The following KCNIP4 variants were observed in gnomAD, a reference collection of about 807,000 sequenced individuals.
The protein encoded by KCNIP4 is Kv channel-interacting protein 4.
A neutral mutation model predicts 34.0 loss-of-function variants in KCNIP4; 12 were observed. The ratio of observed to expected loss-of-function variants is 0.35; its 90% CI spans 0.23 to 0.57. The LOEUF (loss-of-function observed/expected upper bound fraction) is 0.57. Among genes scored for constraint, KCNIP4 ranks in the 20% least tolerant of loss-of-function variants. KCNIP4 has a pLI of 0.83. For missense variants in KCNIP4, 238 were observed against 311.7 expected (o/e 0.76, Z 1.78); for synonymous variants, 124 against 102.2 (o/e 1.21, Z -1.29).
At chr4:21,756,568 A>G (rs556186367) in intron 1 of KCNIP4, among the ~76,000 whole-genome samples, 2,795 of 116,560 alleles carry the variant, frequency 0.024, 50 homozygotes, top group South Asian at 0.056. Flanking sequence ...AAAAAAAAAA[A>G]AGAGAGAGAG....
chr4:21,603,253 C>T (rs969703859), intron 1 of KCNIP4, among the ~76,000 whole-genome samples: 10 of 151,858 alleles, frequency 6.6e-5, no homozygotes, highest in Non-Finnish European at 1.0e-4. Context: ...TGTAAAATGA[C>T]CTTGGAGTGA....
chr4:21,024,100 T>C (rs1740322765), intron 1 of KCNIP4, among the ~76,000 whole-genome samples: 1 of 152,220 alleles, frequency 6.6e-6, no homozygotes, highest in South Asian at 2.1e-4. Flanking sequence ...TGATTTTATA[T>C]CATAGTTTCT....
chr4:21,184,899 C>T (rs1229971441), intron 1 of KCNIP4, among the ~76,000 whole-genome samples: 1 of 152,114 alleles, frequency 6.6e-6, no homozygotes, highest in African/African-American at 2.4e-5. Flanking sequence ...CAACCCCCTC[C>T]TGAGATGGAA....
At chr4:20,836,301 T>G (rs1253619004) in intron 3 of KCNIP4, among the ~76,000 whole-genome samples, 1 of 152,226 alleles carries the variant, frequency 6.6e-6, no homozygotes, top group African/African-American at 2.4e-5. Flanking sequence ...TTAGGGCTTT[T>G]GCGCTTGCTG....
intron 5 of KCNIP4, among the ~76,000 whole-genome samples, chr4:20,735,621 C>T (rs1329104848): frequency 2.0e-5 from 3 of 151,384 alleles, no homozygotes; most frequent in Non-Finnish European, 4.4e-5. Context: ...CTTCCACCTC[C>T]CACCTCCCAG....
intron 1 of KCNIP4, among the ~76,000 whole-genome samples, chr4:21,515,861 C>T (rs1349237649): frequency 1.3e-5 from 2 of 152,144 alleles, no homozygotes; most frequent in African/African-American, 4.8e-5. Flanking sequence ...ATCCTTCAGC[C>T]TTGGACTTCC....
At chr4:21,249,134 A>G (rs1055302813) in intron 1 of KCNIP4, among the ~76,000 whole-genome samples, 3 of 152,182 alleles carry the variant, frequency 2.0e-5, no homozygotes, top group South Asian at 4.1e-4. Context: ...CAAAATCAAC[A>G]GTAAGAAGGG....
At chr4:21,501,242 T>TCACACA (rs1372362101) in intron 1 of KCNIP4, among the ~76,000 whole-genome samples, 2 of 132,232 alleles carry the variant, frequency 1.5e-5, no homozygotes, top group African/African-American at 6.1e-5. Context: ...TCTCTCTCTC[T>TCACACA]CTCTCTCACA....
chr4:21,124,103 T>G (rs1175721130), intron 1 of KCNIP4, among the ~76,000 whole-genome samples: 2 of 152,078 alleles, frequency 1.3e-5, no homozygotes, highest in African/African-American at 4.8e-5. Flanking sequence ...AGGACACTGT[T>G]TTACATTTTT....
chr4:21,380,863 T>C (rs1334203921), intron 1 of KCNIP4, among the ~76,000 whole-genome samples: 1 of 149,966 alleles, frequency 6.7e-6, no homozygotes, highest in African/African-American at 2.4e-5. Flanking sequence ...CACACACGAA[T>C]TGGCTTGAAA....
intron 1 of KCNIP4, among the ~76,000 whole-genome samples, chr4:21,333,476 T>C (rs944427481): frequency 1.3e-5 from 2 of 152,056 alleles, no homozygotes; most frequent in African/African-American, 4.8e-5. Flanking sequence ...ACAATAGCAC[T>C]GTAAGGTACG....
At chr4:21,235,956 G>A (rs368911624) in intron 1 of KCNIP4, among the ~76,000 whole-genome samples, 12 of 152,084 alleles carry the variant, frequency 7.9e-5, no homozygotes, top group African/African-American at 2.2e-4. Context: ...TTGGAAATAT[G>A]TATAGGTTCT....
chr4:20,986,784 A>G (rs970290664), intron 1 of KCNIP4, among the ~76,000 whole-genome samples: 4 of 152,120 alleles, frequency 2.6e-5, no homozygotes, highest in Non-Finnish European at 4.4e-5. Flanking sequence ...ATCTTTTTTG[A>G]AATTCACATA....
At chr4:21,745,616 A>T (rs191548661) in intron 1 of KCNIP4, among the ~76,000 whole-genome samples, 10 of 152,294 alleles carry the variant, frequency 6.6e-5, no homozygotes, top group Admixed American at 2.6e-4. Flanking sequence ...CAAACCACAG[A>T]AACACAAAAA....
At chr4:21,371,530 A>G (rs1359279695) in intron 1 of KCNIP4, among the ~76,000 whole-genome samples, 5 of 146,822 alleles carry the variant, frequency 3.4e-5, no homozygotes, top group Admixed American at 6.6e-5. Flanking sequence ...TTGCTATCTA[A>G]TCACTTGATA....
intron 5 of KCNIP4, among the ~76,000 whole-genome samples, chr4:20,737,499 T>C (rs1310384781): frequency 6.6e-6 from 1 of 151,750 alleles, no homozygotes; most frequent in Non-Finnish European, 1.5e-5. Flanking sequence ...CATGGGTAGA[T>C]GGGCCGATCT....
intron 1 of KCNIP4, among the ~76,000 whole-genome samples, chr4:21,040,707 C>A (rs554212034): frequency 6.6e-6 from 1 of 151,972 alleles, no homozygotes; most frequent in African/African-American, 2.4e-5. Context: ...TTTAACTCAG[C>A]CTTGACTAAA....
At chr4:21,251,675 C>T (rs6448039) in intron 1 of KCNIP4, among the ~76,000 whole-genome samples, 39,015 of 151,966 alleles carry the variant, frequency 0.26, 9,750 homozygotes, top group African/African-American at 0.65. Context: ...TGGAATACTA[C>T]GCAGCCATAA....
At chr4:21,294,373 A>G (rs1763716354) in intron 1 of KCNIP4, among the ~76,000 whole-genome samples, 1 of 152,218 alleles carries the variant, frequency 6.6e-6, no homozygotes, top group South Asian at 2.1e-4. Context: ...CAGCCTCACT[A>G]CAACTGTGTC....
Sources: allele counts gnomAD v4.1 joint callset (sites outside exome capture counted in the v4.1 genomes callset), GRCh38; gene constraint gnomAD v4.1.1; transcripts MANE v1.5; gene names NCBI Gene and HGNC (gene_info 2026-07-23, HGNC 2026-07-21).